FBXL13: variants seen among roughly 807,000 people sequenced by gnomAD.
FBXL13 encodes F-box and leucine rich repeat protein 13, also known as F-box and leucine-rich repeat protein 13.
A neutral mutation model predicts 83.6 loss-of-function variants in FBXL13; 67 were observed. The ratio of observed to expected loss-of-function variants is 0.80; its 90% CI spans 0.66 to 0.98. The LOEUF (loss-of-function observed/expected upper bound fraction) is 0.98. Ranked by LOEUF, FBXL13 falls within the 50% of genes least tolerant of loss-of-function variation. The pLI is 0.00. For synonymous variants in FBXL13, 272 were observed against 299.5 expected, an observed-to-expected ratio of 0.91 and a Z score of 0.95; for missense variants, 822 against 866.5, an observed-to-expected ratio of 0.95 and a Z score of 0.64.
intron 8 of FBXL13, among the ~76,000 whole-genome samples, chr7:102,943,908 G>C (rs1037510460): frequency 2.6e-5 from 4 of 152,146 alleles, no homozygotes; most frequent in Non-Finnish European, 5.9e-5. Flanking sequence ...ACCAAAGTTA[G>C]GACCCCACCT....
intron 11 of FBXL13, 79 bp downstream of exon 12, chr7:102,913,004 GTAT>G: frequency 6.3e-7 from 1 of 1,583,708 alleles, no homozygotes; most frequent in South Asian, 1.1e-5. Context: ...CACAGCATTA[GTAT>G]AACGTGAGGG....
At chr7:102,956,702 C>T (rs1205247608) in intron 8 of FBXL13, among the ~76,000 whole-genome samples, 1 of 152,168 alleles carries the variant, frequency 6.6e-6, no homozygotes, top group Non-Finnish European at 1.5e-5. Flanking sequence ...GACACAAAAT[C>T]AATGTGCAAA....
intron 11 of FBXL13, among the ~76,000 whole-genome samples, chr7:102,907,358 T>C (rs985649633): frequency 1.8e-4 from 27 of 152,312 alleles, no homozygotes; most frequent in African/African-American, 6.5e-4. Flanking sequence ...CTAGGGTACA[T>C]GTGCACCATG....
intron 18 of FBXL13, among the ~76,000 whole-genome samples, chr7:102,825,028 T>C (rs988771771): frequency 1.5e-4 from 23 of 152,214 alleles, no homozygotes; most frequent in African/African-American, 5.5e-4. Context: ...GTAGATGTAG[T>C]TTAGTTTATC....
intron 16 of FBXL13, among the ~76,000 whole-genome samples, chr7:102,867,687 ATATATATATTTTTTTTT>A (rs1293118206): frequency 1.5e-4 from 12 of 81,968 alleles, no homozygotes; most frequent in African/African-American, 6.8e-4. Context: ...ATATATATAT[ATATATATATTTTTTTTT>A]TTTTTTTTTT....
intron 16 of FBXL13, among the ~76,000 whole-genome samples, chr7:102,865,500 A>C (rs1807494684): frequency 6.6e-6 from 1 of 151,682 alleles, no homozygotes; most frequent in Admixed American, 6.6e-5. Flanking sequence ...TTTTCTTCTC[A>C]ATATTTTATT....
chr7:102,926,268 C>T lies in FBXL13; in HGVS notation c.878+6G>A. On this transcript the variant is annotated splice_donor_region_variant and intron_variant, in intron 10 of 19. Coordinates refer to ENST00000313221, the Ensembl canonical transcript of FBXL13. ...TTCAGTGTCATACAAATAACACAAA[C>T]ATTACCTCGGCAGGAGTCGCATCGT... The T allele has an allele frequency of 2.5e-6, 4 of 1,611,516 alleles. No homozygotes were observed. In the African/African-American group the frequency reaches 5.3e-5, roughly 22 times the overall value.
chr7:102,957,481 A>T (rs755330931), intron 8 of FBXL13, among the ~76,000 whole-genome samples: 7 of 152,228 alleles, frequency 4.6e-5, no homozygotes, highest in Non-Finnish European at 1.0e-4. Flanking sequence ...ATTGGCAAGG[A>T]CTTCATGACT....
At chr7:102,927,914 G>A (rs548983478) in intron 9 of FBXL13, among the ~76,000 whole-genome samples, 4 of 152,352 alleles carry the variant, frequency 2.6e-5, no homozygotes, top group African/African-American at 9.6e-5. Flanking sequence ...AAGTATCAAA[G>A]TGATTATACA....
intron 6 of FBXL13, among the ~76,000 whole-genome samples, chr7:103,022,213 A>G (rs894928129): frequency 1.3e-5 from 2 of 152,142 alleles, no homozygotes; most frequent in South Asian, 2.1e-4. Context: ...CATCATTCTC[A>G]GCAAATTATC....
chr7:102,859,195 C>CCCTG (rs1250174718), intron 16 of FBXL13, among the ~76,000 whole-genome samples: 1 of 152,142 alleles, frequency 6.6e-6, no homozygotes, highest in African/African-American at 2.4e-5. Context: ...AGAGATGTCA[C>CCCTG]CCTGCTCATG....
chr7:102,811,382 G>A (rs552748262), downstream of FBXL13, among the ~76,000 whole-genome samples: 3 of 152,258 alleles, frequency 2.0e-5, no homozygotes, highest in South Asian at 2.1e-4. Flanking sequence ...AGTTTGCATC[G>A]AAAACTTAAA....
intron 8 of FBXL13, among the ~76,000 whole-genome samples, chr7:102,955,477 G>T (rs889532843): frequency 6.6e-6 from 1 of 151,596 alleles, no homozygotes; most frequent in African/African-American, 2.4e-5. Flanking sequence ...ACAATTAAAA[G>T]AACTAGAGAA....
At chr7:102,839,475 A>G (rs923175346) in intron 17 of FBXL13, among the ~76,000 whole-genome samples, 3 of 152,154 alleles carry the variant, frequency 2.0e-5, no homozygotes, top group Admixed American at 6.5e-5. Context: ...GACGAGAAAT[A>G]CCCACAGGTG....
intron 1 of FBXL13, chr7:103,074,173 A>C (rs1461751567): frequency 2.1e-6 from 2 of 935,258 alleles, no homozygotes; most frequent in Non-Finnish European, 2.6e-6. Context: ...CAAAGGTCTC[A>C]GCTTCCACTC....
chr7:102,893,429 T>C (rs1210033887), intron 11 of FBXL13, among the ~76,000 whole-genome samples: 1 of 152,166 alleles, frequency 6.6e-6, no homozygotes, highest in Non-Finnish European at 1.5e-5. Context: ...GTTACACAAC[T>C]GGTTAGTAGC....
intron 2 of FBXL13, chr7:103,030,962 G>A (rs1007588306): frequency 1.1e-4 from 16 of 151,866 alleles, no homozygotes; most frequent in African/African-American, 1.2e-4. Context: ...GGGAGGGAGC[G>A]AGGGAGCGAG....
Position 102,912,998 on chromosome 7 carries a change from G to A in FBXL13, c.1008+88C>T, listed in dbSNP as rs1815056453. On this transcript the variant is annotated intron_variant, in intron 11 of 19. Coordinates refer to ENST00000313221, the Ensembl canonical transcript of FBXL13. ...AAAAGTGTGCTGCGGTCCGTGCACA[G>A]CATTAGTATAACGTGAGGGCTGAAT... 9 of 1,560,686 alleles carry A rather than the reference G, an allele frequency of 5.8e-6. No individual in the cohort carries two copies. The South Asian group carries it at 1.0e-4, about 18-fold the overall frequency.
At chr7:102,833,318 T>C (rs1185218591) in intron 17 of FBXL13, among the ~76,000 whole-genome samples, 2 of 152,126 alleles carry the variant, frequency 1.3e-5, no homozygotes, top group Non-Finnish European at 2.9e-5. Context: ...AGATTGACAG[T>C]GGAATGTAAT....
Sources: allele counts gnomAD v4.1 joint callset (sites outside exome capture counted in the v4.1 genomes callset), GRCh38; gene constraint gnomAD v4.1.1; transcripts MANE v1.5; gene names NCBI Gene and HGNC (gene_info 2026-07-23, HGNC 2026-07-21).